TRIP12: variants seen among roughly 807,000 people sequenced by gnomAD.
TRIP12 encodes E3 ubiquitin-protein ligase TRIP12.
In TRIP12, 25 loss-of-function variants were observed where a neutral mutation model predicts 244.2. The ratio of observed to expected loss-of-function variants is 0.10; its 90% CI spans 0.07 to 0.14. The LOEUF (loss-of-function observed/expected upper bound fraction) is 0.14. Ranked by LOEUF, TRIP12 falls within the 10% of genes least tolerant of loss-of-function variation. TRIP12 has a pLI of 1.00. For synonymous variants in TRIP12, 905 were observed against 873.1 expected (o/e 1.04, Z -0.64); for missense variants, 1,677 against 2,486.4 (o/e 0.67, Z 6.92).
intron 34 of TRIP12, among the ~76,000 whole-genome samples, chr2:229,780,804 T>C (rs1024147518): frequency 3.3e-5 from 5 of 152,202 alleles, no homozygotes; most frequent in African/African-American, 1.2e-4. Flanking sequence ...AATGTGTGTG[T>C]ATGTATTGGC....
chr2:229,859,242 G>GAAC lies in TRIP12; in HGVS notation c.554_556dup (p.Gly185_Ser186insCys), dbSNP rs2060099485. 1.9e-6 allele frequency: 3 copies of GAAC among 1,614,044 alleles called. No individual in the cohort carries two copies. In the Admixed American group the frequency reaches 5.0e-5, roughly 27 times the overall value. On this transcript the variant is annotated inframe_insertion, in exon 4 of 42. Transcript: ENST00000675903. ...TGTCCTTTTTCTTTTCTGACTCCGT[G>GAAC]AACCGCCAGTGGCCCCACTCTTCCT...
intron 4 of TRIP12, among the ~76,000 whole-genome samples, chr2:229,850,308 C>G (rs995037926): frequency 6.6e-6 from 1 of 152,080 alleles, no homozygotes; most frequent in African/African-American, 2.4e-5. Context: ...TTTTTTAAAG[C>G]CTCAAAAACA....
intron 1 of TRIP12, among the ~76,000 whole-genome samples, chr2:229,920,443 C>G (rs1259695772): frequency 1.3e-5 from 2 of 152,084 alleles, no homozygotes; most frequent in African/African-American, 4.8e-5. Flanking sequence ...AGAACGGATT[C>G]ACTGCGCTAT....
intron 1 of TRIP12, among the ~76,000 whole-genome samples, chr2:229,904,430 A>AAG (rs2072057553): frequency 6.6e-6 from 1 of 151,718 alleles, no homozygotes; most frequent in Non-Finnish European, 1.5e-5. Flanking sequence ...AAAAAAAAAA[A>AAG]AAAAAAAATT....
intron 15 of TRIP12, 133 bp downstream of exon 15, chr2:229,810,747 T>C: frequency 5.8e-6 from 5 of 855,156 alleles, no homozygotes; most frequent in Non-Finnish European, 8.9e-6. Flanking sequence ...TTATTACATA[T>C]TAACACTTTT....
At chr2:229,879,302 T>C (rs1183470197) in intron 2 of TRIP12, among the ~76,000 whole-genome samples, 3 of 152,190 alleles carry the variant, frequency 2.0e-5, no homozygotes, top group Non-Finnish European at 4.4e-5. Context: ...TAATCAATGT[T>C]AGTCCCAAAA....
upstream of TRIP12, chr2:229,922,739 G>A: frequency 1.1e-6 from 1 of 914,686 alleles, no homozygotes; most frequent in African/African-American, 1.7e-5. Context: ...GCTCCGCGCC[G>A]GGAGATTTTC....
chr2:229,788,760 C>T (rs775044388), intron 32 of TRIP12, 38 bp downstream of exon 32: 1 of 1,599,154 alleles, frequency 6.3e-7, no homozygotes. Flanking sequence ...AACCCAGTAA[C>T]ATTTCCAAGG....
In TRIP12 at chr2:229,792,135, G is replaced by A; in HGVS notation, c.4215+18C>T. ...CTTTATATAGTACATTATACATGGT[G>A]GGAATATAGTACCTTACCAGAGACT... is the stretch of plus-strand genomic sequence containing the variant. On this transcript the variant is annotated intron_variant, in intron 28 of 41. Coordinates refer to ENST00000675903, the MANE Select transcript of TRIP12 (RefSeq NM_001348323.3). The A allele has an allele frequency of 2.5e-6, 4 of 1,613,898 alleles. No individual in the cohort carries two copies. Among genetic ancestry groups the A allele is most frequent in the Non-Finnish European group, 3.4e-6 (4 of 1,179,904 alleles).
intron 8 of TRIP12, among the ~76,000 whole-genome samples, chr2:229,825,667 C>T (rs2051353381): frequency 6.6e-6 from 1 of 152,140 alleles, no homozygotes; most frequent in Non-Finnish European, 1.5e-5. Context: ...GGGGAAAACA[C>T]CCCCATGATT....
intron 1 of TRIP12, among the ~76,000 whole-genome samples, chr2:229,890,044 A>C (rs1275096940): frequency 6.6e-6 from 1 of 151,754 alleles, no homozygotes; most frequent in Non-Finnish European, 1.5e-5. Flanking sequence ...CACTATTGTG[A>C]ACTCCACCAT....
chr2:229,886,861 A>G (rs1473924865), intron 1 of TRIP12, among the ~76,000 whole-genome samples: 1 of 152,244 alleles, frequency 6.6e-6, no homozygotes, highest in African/African-American at 2.4e-5. Context: ...AGTATGGGTT[A>G]CGTGTATTCT....
rs557806395 is a variant in TRIP12 at position 229,827,269 on chromosome 2, A to G, written c.1450+1924T>C. Among the ~76,000 whole-genome samples, 30 of 151,578 alleles carry G rather than the reference A, an allele frequency of 2.0e-4. No individual in the cohort carries two copies. In the South Asian group the frequency reaches 6.3e-3, roughly 32 times the overall value. On this transcript the variant is annotated intron_variant, in intron 8 of 41. Coordinates refer to ENST00000675903, the MANE Select transcript of TRIP12 (RefSeq NM_001348323.3). ...CACTCCAGCCTGGGAGACAGAGCAAAACTCCGTCTCAAAAAAAAAAAAGAA... is the reference window on the plus strand; with the variant it reads ...CACTCCAGCCTGGGAGACAGAGCAAGACTCCGTCTCAAAAAAAAAAAAGAA...
At chr2:229,852,864 T>C (rs1009340740) in intron 4 of TRIP12, among the ~76,000 whole-genome samples, 6 of 152,352 alleles carry the variant, frequency 3.9e-5, no homozygotes, top group African/African-American at 1.4e-4. Context: ...TATTATATCA[T>C]TTCCTGAGTG....
chr2:229,903,440 C>A (rs1227276676), intron 1 of TRIP12, among the ~76,000 whole-genome samples: 1 of 151,982 alleles, frequency 6.6e-6, no homozygotes, highest in Non-Finnish European at 1.5e-5. Context: ...TGAGCTAAAA[C>A]CTTACGCATG....
At chr2:229,922,325 A>T, upstream of TRIP12, 1 of 598,022 alleles carries the variant, frequency 1.7e-6, no homozygotes, top group Non-Finnish European at 3.0e-6. Flanking sequence ...GTCACCCGGG[A>T]CCTGGAGCTG....
intron 1 of TRIP12, among the ~76,000 whole-genome samples, chr2:229,893,697 T>G (rs2067982000): frequency 6.6e-6 from 1 of 152,210 alleles, no homozygotes; most frequent in Non-Finnish European, 1.5e-5. Flanking sequence ...TTACCCATTT[T>G]TCTGTTGATG....
intron 18 of TRIP12, among the ~76,000 whole-genome samples, chr2:229,804,458 G>C (rs1449322480): frequency 6.6e-6 from 1 of 152,132 alleles, no homozygotes; most frequent in African/African-American, 2.4e-5. Flanking sequence ...ACCCATTGGG[G>C]CCAGCTGAAA....
At chr2:229,789,073 C>G (rs2040777726) in intron 31 of TRIP12, 133 bp from the exon 32 acceptor site, 1 of 777,552 alleles carries the variant, frequency 1.3e-6, no homozygotes, top group Admixed American at 2.8e-5. Context: ...ATACAACACA[C>G]AGCCTCTCAT....
Sources: allele counts gnomAD v4.1 joint callset (sites outside exome capture counted in the v4.1 genomes callset), GRCh38; gene constraint gnomAD v4.1.1; transcripts MANE v1.5; gene names NCBI Gene and HGNC (gene_info 2026-07-23, HGNC 2026-07-21).